The following LIG3 variants were observed in gnomAD, a reference collection of about 807,000 sequenced individuals.
LIG3 encodes the protein ligase II, DNA, ATP-dependent.
A neutral mutation model predicts 110.9 loss-of-function variants in LIG3; 58 were observed. The ratio of observed to expected loss-of-function variants is 0.52; its 90% CI spans 0.42 to 0.65. The LOEUF is 0.65. LIG3 is among the 30% of genes least tolerant of loss of function. The pLI is 0.00. For synonymous variants in LIG3, 422 were observed against 472.8 expected (o/e 0.89, Z 1.39); for missense variants, 1,094 against 1,273.8 (o/e 0.86, Z 2.15).
chr17:34,991,586 T>A, intron 5 of LIG3, 85 bp from the exon 6 acceptor site: 1 of 1,359,594 alleles, frequency 7.4e-7, no homozygotes, highest in Non-Finnish European at 1.0e-6. Context: ...TTGAAATTTC[T>A]TGATTCATCT....
At position 34,991,042 on chromosome 17, in the gene LIG3, TA is replaced by T; in HGVS notation, c.971del (p.Lys324SerfsTer4). 1 of 1,614,186 alleles carries T rather than the reference TA, an allele frequency of 6.2e-7. No individual in the cohort carries two copies. Among genetic ancestry groups the T allele is most frequent in the Non-Finnish European group, 8.5e-7 (1 of 1,180,006 alleles). ...VIKTVYNLND[K>X]QIVKLFSRIF... ...TTAAGACTGTTTACAACTTGAACGA[TA>T]AGCAGATTGTGAAGCTTTTCAGTCG... On this transcript the variant is annotated frameshift_variant, in exon 5 of 20. Transcript: ENST00000378526. LOFTEE classifies it high-confidence loss of function.
In LIG3 at chr17:34,980,575, A is replaced by G. The variant is rs2090570258; in HGVS notation, c.-52A>G. 1 of 1,287,644 alleles carries G rather than the reference A, an allele frequency of 7.8e-7. No individual in the cohort carries two copies. Among genetic ancestry groups the G allele is most frequent in the Non-Finnish European group, 1.0e-6 (1 of 987,884 alleles). The allele number at this position is 1,287,644 out of a possible 1,614,324, so 79.8% of individuals were successfully genotyped here. On this transcript the variant is annotated 5_prime_UTR_variant, in exon 1 of 20. It removes an upstream start codon present in the reference 5' UTR. Coordinates refer to ENST00000378526, the MANE Select transcript of LIG3 (RefSeq NM_013975.4). ...CGTCGTGGGCTGCCCGCGGCCTGTA[A>G]TGAGCAAGTTCCGAGGCCTACGGTG...
rs762707443 is a variant in LIG3, at chr17:34,983,160, G to A, written c.155G>A (p.Arg52Lys). 1 of 1,614,172 alleles carries A rather than the reference G, an allele frequency of 6.2e-7. No homozygotes were observed. Reference protein sequence around the residue: ...DLLHGHPLFLRRKPVLSFQGS... With the variant: ...DLLHGHPLFLKRKPVLSFQGS... ...CTTCATGGACATCCCCTCTTCCTGA[G>A]AAGAAAGCCTGTTCTATCATTCCAG... Residue 52 changes from arginine to lysine, a missense_variant, in exon 2 of 20, where the codon AGA becomes AAA. By Grantham distance (26) the Arg-to-Lys change is conservative. Transcript: ENST00000378526.
intron 17 of LIG3, 129 bp from the exon 18 acceptor site, chr17:35,001,780 C>G (rs1187305060): frequency 1.2e-6 from 1 of 826,642 alleles, no homozygotes; most frequent in Non-Finnish European, 1.9e-6. Flanking sequence ...GAGCCAACTC[C>G]TTTTCCTTGC....
chr17:34,999,004 C>G, intron 14 of LIG3: 2 of 506,768 alleles, frequency 3.9e-6, no homozygotes, highest in Non-Finnish European at 7.0e-6. Context: ...CAGGCAAAAT[C>G]TCTTTCCTGA....
chr17:35,002,370 A>G (rs1273370606), intron 18 of LIG3, among the ~76,000 whole-genome samples: 1 of 152,156 alleles, frequency 6.6e-6, no homozygotes, highest in African/African-American at 2.4e-5. Flanking sequence ...CCTTTGAGTA[A>G]AGGGCTTAGC....
At chr17:34,982,199 C>CT (rs2090603176) in intron 1 of LIG3, among the ~76,000 whole-genome samples, 1 of 152,220 alleles carries the variant, frequency 6.6e-6, no homozygotes, top group Non-Finnish European at 1.5e-5. Flanking sequence ...CTCAGGCAGT[C>CT]TGATTCCAGG....
intron 15 of LIG3, 129 bp from the exon 16 acceptor site, chr17:34,999,653 G>A: frequency 9.2e-7 from 1 of 1,086,732 alleles, no homozygotes; most frequent in Middle Eastern, 2.0e-4. Flanking sequence ...ACCCACTCTG[G>A]GCTGGGAGGA....
At chr17:34,992,316 G>A (rs538961470) in intron 7 of LIG3, among the ~76,000 whole-genome samples, 1 of 152,314 alleles carries the variant, frequency 6.6e-6, no homozygotes, top group South Asian at 2.1e-4. Context: ...CCCCCTCCTC[G>A]CTAAGGCGGC....
At chr17:34,997,639 T>C (rs185271496) in intron 11 of LIG3, 99 bp from the exon 12 acceptor site, 6 of 863,572 alleles carry the variant, frequency 6.9e-6, no homozygotes, top group African/African-American at 5.0e-5. Flanking sequence ...AAACCCTTTC[T>C]TGAAGTAGCA....
At chr17:35,001,842 C>A in intron 17 of LIG3, 67 bp from the exon 18 acceptor site, 1 of 1,440,182 alleles carries the variant, frequency 6.9e-7, no homozygotes. Context: ...ATACACCACA[C>A]ACACCACCTC....
chr17:34,996,696 C>T, intron 11 of LIG3, 43 bp downstream of exon 11: 1 of 1,512,830 alleles, frequency 6.6e-7, no homozygotes. Context: ...TGCCAGGAAT[C>T]TGTTTTCATT....
At chr17:34,989,733 T>C (rs1597793493) in intron 4 of LIG3, 70 bp downstream of exon 4, 1 of 1,431,604 alleles carries the variant, frequency 7.0e-7, no homozygotes, top group East Asian at 2.3e-5. Flanking sequence ...TTCCTGGGCA[T>C]GTGAGCTGTA....
Position 34,983,194 on chromosome 17 carries a change from T to C in LIG3, c.189T>C (p.His63=). 1 of 1,614,212 alleles carries C rather than the reference T, an allele frequency of 6.2e-7. No homozygotes were observed. The highest frequency in any genetic ancestry group is 1.1e-5 in the South Asian group (1 of 91,090). ...RKPVLSFQGS[H]LRSRATYLVF... The stretch of plus-strand genomic sequence containing the variant: ...CTGTTCTATCATTCCAGGGAAGCCA[T>C]CTAAGATCACGTGCCACCTACCTTG... The change falls in exon 2 of 20, where the codon CAT becomes CAC. Residue 63 remains histidine, a synonymous_variant. Coordinates refer to ENST00000378526, the MANE Select transcript of LIG3 (RefSeq NM_013975.4).
chr17:34,999,851 C>G lies in LIG3; in HGVS notation c.2326C>G (p.Pro776Ala), dbSNP rs373480772. 4 of 1,613,418 alleles carry G rather than the reference C, an allele frequency of 2.5e-6. No homozygotes were observed. The African/African-American group carries it at 4.0e-5, about 16-fold the overall frequency. ...CTATCCTGACTTCATCGTCCCAGAC[C>G]CAAAGGTATCAACCCAGTGGCTTGG... ...IYYPDFIVPD[P>A]KKAAVWEITG... Residue 776 changes from proline to alanine, a missense_variant, in exon 16 of 20, where the codon CCA (proline) becomes GCA (alanine). By Grantham distance (27) the Pro-to-Ala change is conservative. Transcript: ENST00000378526.
At chr17:35,000,608 CTTTT>C (rs57663136) in intron 16 of LIG3, among the ~76,000 whole-genome samples, 1,640 of 80,388 alleles carry the variant, frequency 0.02, 27 homozygotes, top group African/African-American at 0.089. Flanking sequence ...TTGGGAGATA[CTTTT>C]TTTTTTTTTT....
chr17:35,009,752 G>C (rs945461119), downstream of LIG3: 1 of 152,508 alleles, frequency 6.6e-6, no homozygotes, highest in African/African-American at 2.4e-5. Context: ...TTGTGTCTAG[G>C]AGGGAAACTG....
chr17:34,982,006 A>G (rs573942938), intron 1 of LIG3, among the ~76,000 whole-genome samples: 1 of 152,350 alleles, frequency 6.6e-6, no homozygotes, highest in East Asian at 1.9e-4. Flanking sequence ...CGATCATAAT[A>G]GGAGCTGACG....
At chr17:35,000,177 C>G (rs1274933482) in intron 16 of LIG3, among the ~76,000 whole-genome samples, 2 of 152,248 alleles carry the variant, frequency 1.3e-5, no homozygotes, top group African/African-American at 4.8e-5. Context: ...ACAAACAGGA[C>G]TTCCCTAAGG....
Sources: allele counts gnomAD v4.1 joint callset (sites outside exome capture counted in the v4.1 genomes callset), GRCh38; gene constraint gnomAD v4.1.1; transcripts MANE v1.5; gene names NCBI Gene and HGNC (gene_info 2026-07-23, HGNC 2026-07-21).